Variants in PTPRT observed in about 807,000 individuals in gnomAD.
PTPRT encodes receptor-type tyrosine-protein phosphatase T.
Under a neutral mutation model 176.8 loss-of-function variants are expected in PTPRT, and 56 were observed. That is an observed-to-expected ratio of 0.32 (90% CI 0.26 to 0.40). PTPRT has a LOEUF of 0.40. PTPRT is among the 10% of genes least tolerant of loss of function. The pLI is 1.00. For synonymous variants in PTPRT, 783 were observed against 739.0 expected (o/e 1.06, Z -0.96); for missense variants, 1,540 against 1,908.2 (o/e 0.81, Z 3.60).
At chr20:42,311,562 G>A (rs1311563194) in intron 12 of PTPRT, among the ~76,000 whole-genome samples, 3 of 152,092 alleles carry the variant, frequency 2.0e-5, no homozygotes, top group East Asian at 1.9e-4. Flanking sequence ...TTTCACTTGA[G>A]GTTAATATAA....
chr20:42,418,014 T>C (rs2059082389), intron 9 of PTPRT, among the ~76,000 whole-genome samples: 1 of 152,128 alleles, frequency 6.6e-6, no homozygotes, highest in South Asian at 2.1e-4. Context: ...GCTCATTTTA[T>C]CCTCAGAGTG....
chr20:42,301,195 A>G (rs961063010), intron 12 of PTPRT, among the ~76,000 whole-genome samples: 1 of 152,234 alleles, frequency 6.6e-6, no homozygotes, highest in Non-Finnish European at 1.5e-5. Context: ...AGTTAATGTC[A>G]CCAGTAATGG....
intron 10 of PTPRT, among the ~76,000 whole-genome samples, chr20:42,351,654 T>C (rs2058285992): frequency 6.6e-6 from 1 of 151,572 alleles, no homozygotes; most frequent in African/African-American, 2.4e-5. Context: ...TGGCAGTCTG[T>C]AATTTTGGAC....
intron 27 of PTPRT, among the ~76,000 whole-genome samples, chr20:42,097,545 G>C (rs1264359610): frequency 6.6e-6 from 1 of 152,128 alleles, no homozygotes; most frequent in African/African-American, 2.4e-5. Flanking sequence ...CTTCACTGCT[G>C]ACCTCTATTA....
intron 6 of PTPRT, among the ~76,000 whole-genome samples, chr20:42,736,308 G>T (rs1411722077): frequency 6.6e-6 from 1 of 152,222 alleles, no homozygotes; most frequent in Non-Finnish European, 1.5e-5. Flanking sequence ...AGGCTAACTA[G>T]AACTATCTGG....
intron 6 of PTPRT, chr20:42,687,958 C>T (rs2075726721): frequency 6.6e-6 from 1 of 152,176 alleles, no homozygotes. Flanking sequence ...AAAGTAAGTA[C>T]TATTCTAGTA....
At chr20:43,127,414 C>T (rs2013487057) in intron 1 of PTPRT, among the ~76,000 whole-genome samples, 2 of 144,264 alleles carry the variant, frequency 1.4e-5, no homozygotes, top group South Asian at 4.7e-4. Context: ...CAGAGCGAGA[C>T]TCCATCTCAA....
At chr20:42,604,759 C>T (rs147869091) in intron 7 of PTPRT, among the ~76,000 whole-genome samples, 11 of 152,190 alleles carry the variant, frequency 7.2e-5, no homozygotes, top group Non-Finnish European at 1.5e-4. Context: ...TTCTATATCT[C>T]TCTTCTATAC....
At chr20:42,926,113 T>C (rs2145962792) in intron 1 of PTPRT, among the ~76,000 whole-genome samples, 1 of 152,344 alleles carries the variant, frequency 6.6e-6, no homozygotes, top group Non-Finnish European at 1.5e-5. Context: ...CAGGCCAGCC[T>C]GTGGGTCTGA....
At chr20:42,605,251 C>T (rs1462495654) in intron 7 of PTPRT, among the ~76,000 whole-genome samples, 1 of 152,192 alleles carries the variant, frequency 6.6e-6, no homozygotes, top group African/African-American at 2.4e-5. Flanking sequence ...ACTTTCTGCT[C>T]AGGCCAGGAC....
chr20:42,263,910 C>T (rs543304609), intron 13 of PTPRT, among the ~76,000 whole-genome samples: 1 of 152,062 alleles, frequency 6.6e-6, no homozygotes, highest in Non-Finnish European at 1.5e-5. Flanking sequence ...GACATGGGGA[C>T]CCCAATTTGG....
At chr20:43,059,272 CTAAG>C (rs1240960693) in intron 1 of PTPRT, among the ~76,000 whole-genome samples, 2 of 152,146 alleles carry the variant, frequency 1.3e-5, no homozygotes, top group Admixed American at 1.3e-4. Flanking sequence ...TTTCAAATCT[CTAAG>C]TTTTGATTCC....
chr20:42,322,892 T>A (rs2057821891), intron 11 of PTPRT, among the ~76,000 whole-genome samples: 1 of 151,842 alleles, frequency 6.6e-6, no homozygotes, highest in Non-Finnish European at 1.5e-5. Flanking sequence ...GAATCTACAA[T>A]GAACTCAAAC....
intron 19 of PTPRT, among the ~76,000 whole-genome samples, chr20:42,123,999 G>A (rs769033310): frequency 6.6e-6 from 1 of 152,190 alleles, no homozygotes; most frequent in Non-Finnish European, 1.5e-5. Flanking sequence ...TGGGCCATTG[G>A]CCTTGAAAAA....
At chr20:42,883,926 A>G (rs549466106) in intron 2 of PTPRT, among the ~76,000 whole-genome samples, 1 of 127,138 alleles carries the variant, frequency 7.9e-6, no homozygotes, top group East Asian at 2.6e-4. Context: ...ATACCAGTAC[A>G]CAGGCATGCA....
chr20:42,613,937 C>T (rs911431639), intron 7 of PTPRT, among the ~76,000 whole-genome samples: 1 of 140,494 alleles, frequency 7.1e-6, no homozygotes, highest in African/African-American at 2.7e-5. Flanking sequence ...AAATATACAT[C>T]CCTTGTGTAT....
intron 7 of PTPRT, among the ~76,000 whole-genome samples, chr20:42,514,588 G>C (rs1275802744): frequency 1.3e-5 from 2 of 152,224 alleles, no homozygotes; most frequent in African/African-American, 4.8e-5. Flanking sequence ...TTGAAGAAGA[G>C]AAATTCAACG....
At chr20:42,841,848 A>G (rs554510755) in intron 2 of PTPRT, among the ~76,000 whole-genome samples, 70 of 152,228 alleles carry the variant, frequency 4.6e-4, no homozygotes, top group Non-Finnish European at 7.9e-4. Context: ...AAAAGCTTCA[A>G]TCTAGCTGAA....
intron 9 of PTPRT, among the ~76,000 whole-genome samples, chr20:42,432,193 A>G (rs770947958): frequency 3.9e-5 from 6 of 152,144 alleles, no homozygotes; most frequent in Non-Finnish European, 8.8e-5. Flanking sequence ...TCTAAGCCTC[A>G]CTTAGGACTT....
Sources: allele counts gnomAD v4.1 joint callset (sites outside exome capture counted in the v4.1 genomes callset), GRCh38; gene constraint gnomAD v4.1.1; transcripts MANE v1.5; gene names NCBI Gene and HGNC (gene_info 2026-07-23, HGNC 2026-07-21).